The following VAT1L variants were observed in gnomAD, a reference collection of about 807,000 sequenced individuals.
VAT1L encodes putative NADPH-dependent quinone oxidoreductase VAT1L.
A neutral mutation model predicts 44.1 loss-of-function variants in VAT1L; 34 were observed. That is an observed-to-expected ratio of 0.77 (90% CI 0.59 to 1.03). VAT1L has a LOEUF of 1.03. Ranked by LOEUF, VAT1L falls within the 50% of genes least tolerant of loss-of-function variation. The pLI is 0.00. For synonymous variants in VAT1L, 253 were observed against 202.2 expected, an observed-to-expected ratio of 1.25 and a Z score of -2.13; for missense variants, 615 against 538.8, an observed-to-expected ratio of 1.14 and a Z score of -1.40.
intron 7 of VAT1L, chr16:77,892,670 G>C (rs899997143): frequency 2.6e-5 from 19 of 720,522 alleles, no homozygotes; most frequent in African/African-American, 2.4e-4. Flanking sequence ...AGAGAAATTA[G>C]ATGATGAGAA....
intron 7 of VAT1L, among the ~76,000 whole-genome samples, chr16:77,959,185 T>C (rs1189319445): frequency 1.3e-5 from 2 of 152,174 alleles, no homozygotes. Context: ...GCAGCTGCTC[T>C]AAAAAGGAGC....
intron 1 of VAT1L, chr16:77,800,303 C>T (rs2016022856): frequency 6.6e-6 from 1 of 152,202 alleles, no homozygotes. Flanking sequence ...CAGACCAAAG[C>T]TCTTAGAGAG....
chr16:77,915,444 C>A (rs2017542362), intron 7 of VAT1L, among the ~76,000 whole-genome samples: 1 of 152,088 alleles, frequency 6.6e-6, no homozygotes, highest in Non-Finnish European at 1.5e-5. Context: ...TGGGGGGAAA[C>A]AAATGGTATG....
At chr16:77,974,823 C>T (rs1381492651) in intron 8 of VAT1L, among the ~76,000 whole-genome samples, 1 of 152,114 alleles carries the variant, frequency 6.6e-6, no homozygotes, top group Non-Finnish European at 1.5e-5. Context: ...CCTGCCTTGG[C>T]CTCCCAAAGA....
chr16:77,953,340 A>G (rs1464409146), intron 7 of VAT1L, among the ~76,000 whole-genome samples: 1 of 152,156 alleles, frequency 6.6e-6, no homozygotes, highest in Admixed American at 6.5e-5. Context: ...ATACTACCCA[A>G]ACATTATTAT....
chr16:77,898,253 A>C, intron 7 of VAT1L, among the ~76,000 whole-genome samples: 1 of 152,094 alleles, frequency 6.6e-6, no homozygotes, highest in Non-Finnish European at 1.5e-5. Context: ...ACATCTCCAC[A>C]ATCTCCATTT....
intron 5 of VAT1L, among the ~76,000 whole-genome samples, chr16:77,877,277 G>C (rs1229138709): frequency 6.6e-6 from 1 of 152,058 alleles, no homozygotes; most frequent in Non-Finnish European, 1.5e-5. Context: ...TTGGGAGGCC[G>C]AGGCGGGCGG....
intron 7 of VAT1L, among the ~76,000 whole-genome samples, chr16:77,927,615 T>C (rs427219): frequency 0.98 from 149,663 of 152,200 alleles, 73,624 homozygotes; most frequent in Non-Finnish European, 1. Flanking sequence ...CGGTAGCTTT[T>C]GCCTGTAATC....
Position 77,876,491 on chromosome 16 carries a change from G to A in VAT1L, c.826+18G>A. ...TTTATATGGTGAGTGCAAAACAGCA[G>A]CAGGGACGTGGTCAGCAATAGGTAC... On this transcript the variant is annotated intron_variant, in intron 5 of 8. Transcript: ENST00000302536. 1.2e-6 allele frequency: 2 copies of A among 1,609,516 alleles called. No homozygotes were observed. The highest frequency in any genetic ancestry group is 1.7e-6 in the Non-Finnish European group (2 of 1,175,756).
intron 4 of VAT1L, among the ~76,000 whole-genome samples, chr16:77,871,725 G>A (rs2017035094): frequency 6.6e-6 from 1 of 152,142 alleles, no homozygotes; most frequent in Non-Finnish European, 1.5e-5. Flanking sequence ...GGATAACAGA[G>A]CAAGACCCAG....
At chr16:77,813,600 G>A (rs2016303298) in intron 1 of VAT1L, among the ~76,000 whole-genome samples, 1 of 152,180 alleles carries the variant, frequency 6.6e-6, no homozygotes, top group African/African-American at 2.4e-5. Flanking sequence ...TGACTCTGTT[G>A]CTGTTCGTGT....
intron 3 of VAT1L, among the ~76,000 whole-genome samples, chr16:77,829,503 C>G (rs181429468): frequency 6.6e-6 from 1 of 152,208 alleles, no homozygotes; most frequent in African/African-American, 2.4e-5. Context: ...AGGATACACT[C>G]TCATTGGAAT....
intron 3 of VAT1L, among the ~76,000 whole-genome samples, chr16:77,851,451 C>A (rs2016807927): frequency 1.3e-5 from 2 of 152,080 alleles, no homozygotes; most frequent in Admixed American, 6.5e-5. Flanking sequence ...GAGCTCGAGA[C>A]CAGCCTGGGC....
At chr16:77,960,126 G>A (rs1235850391) in intron 7 of VAT1L, among the ~76,000 whole-genome samples, 1 of 152,074 alleles carries the variant, frequency 6.6e-6, no homozygotes, top group Admixed American at 6.6e-5. Context: ...CTTACCAAGT[G>A]GTAATGTTAC....
chr16:77,887,734 G>T (rs775574128), intron 7 of VAT1L, among the ~76,000 whole-genome samples: 1 of 152,202 alleles, frequency 6.6e-6, no homozygotes, highest in Non-Finnish European at 1.5e-5. Flanking sequence ...TGCATCATAT[G>T]CAGGCAGGTC....
intron 7 of VAT1L, among the ~76,000 whole-genome samples, chr16:77,931,630 G>C (rs2017731996): frequency 6.6e-6 from 1 of 152,136 alleles, no homozygotes; most frequent in Non-Finnish European, 1.5e-5. Context: ...TTTTATAATG[G>C]AAAATTATTT....
At chr16:77,857,122 G>C (rs1020066869) in intron 3 of VAT1L, among the ~76,000 whole-genome samples, 6 of 152,154 alleles carry the variant, frequency 3.9e-5, no homozygotes, top group African/African-American at 1.4e-4. Flanking sequence ...GAATTCTTAC[G>C]TTCAAAAGAA....
intron 7 of VAT1L, among the ~76,000 whole-genome samples, chr16:77,887,039 T>C (rs1368543352): frequency 6.6e-6 from 1 of 152,188 alleles, no homozygotes; most frequent in East Asian, 1.9e-4. Context: ...TTATTGAGAA[T>C]GCATGCTGTA....
chr16:77,951,991 G>C (rs748502883), intron 7 of VAT1L, among the ~76,000 whole-genome samples: 19 of 152,118 alleles, frequency 1.2e-4, no homozygotes, highest in African/African-American at 4.1e-4. Flanking sequence ...CCTAAAGGAC[G>C]TTTCAGGAAG....
Sources: gnomAD v4.1 joint callset for allele counts (sites outside exome capture counted in the v4.1 genomes callset) on GRCh38, gnomAD v4.1.1 for gene constraint, MANE v1.5 for transcripts, NCBI Gene and HGNC (gene_info 2026-07-23, HGNC 2026-07-21) for gene names.